The following DNAH3 variants were observed in gnomAD, a reference collection of about 807,000 sequenced individuals.
DNAH3 encodes axonemal beta dynein heavy chain 3.
DNAH3 carries 332 observed loss-of-function variants against 432.5 expected under a neutral mutation model. The observed-to-expected ratio is 0.77, with a 90% CI of 0.70 to 0.84. DNAH3 has a LOEUF of 0.84. Among genes scored for constraint, DNAH3 ranks in the 40% least tolerant of loss-of-function variants. The pLI, the probability that DNAH3 is intolerant of heterozygous loss-of-function variation, is 0.00. For missense variants in DNAH3, 4,861 were observed against 5,114.0 expected, an observed-to-expected ratio of 0.95 and a Z score of 1.51; for synonymous variants, 1,956 against 1,900.2, an observed-to-expected ratio of 1.03 and a Z score of -0.76.
chr16:20,965,471 C>T, intron 52 of DNAH3, 46 bp from the exon 53 acceptor site: 1 of 1,443,050 alleles, frequency 6.9e-7, no homozygotes, highest in South Asian at 1.6e-5. Context: ...ACATTCTGGC[C>T]AAGACTTAAA....
Position 21,141,925 on chromosome 16 carries a change from G to A in DNAH3, c.449-553C>T, listed in dbSNP as rs958069405. On this transcript the variant is annotated intron_variant, in intron 3 of 61. Transcript: ENST00000261383. The stretch of plus-strand genomic sequence containing the variant: ...AAATTAGCCGGGCATTGCGGCGAGC[G>A]CCTGTAGACCCAGCTACTTGGGAGG... 2.3e-4 allele frequency among the ~76,000 whole-genome samples: 35 copies of A among 152,134 alleles called. 1 individual carries two copies. The highest frequency in any genetic ancestry group is 2.0e-3 in the Admixed American group (31 of 15,274).
intron 5 of DNAH3, among the ~76,000 whole-genome samples, chr16:21,137,261 T>TTA (rs972539535): frequency 8.5e-6 from 1 of 117,034 alleles, no homozygotes; most frequent in African/African-American, 3.2e-5. Context: ...GATTTCTGTC[T>TTA]AAAAAAAAAA....
chr16:21,095,233 A>G (rs2091643152), intron 18 of DNAH3, among the ~76,000 whole-genome samples: 1 of 152,242 alleles, frequency 6.6e-6, no homozygotes, highest in African/African-American at 2.4e-5. Flanking sequence ...CTAGAGAAAT[A>G]AAAACTTACA....
At chr16:21,080,722 C>A (rs1404669356) in intron 20 of DNAH3, among the ~76,000 whole-genome samples, 1 of 152,142 alleles carries the variant, frequency 6.6e-6, no homozygotes, top group Non-Finnish European at 1.5e-5. Context: ...GATCTGGGTG[C>A]CACACTCACC....
intron 55 of DNAH3, among the ~76,000 whole-genome samples, chr16:20,953,582 T>C (rs1662433755): frequency 7.8e-6 from 1 of 128,414 alleles, no homozygotes; most frequent in Non-Finnish European, 1.7e-5. Context: ...TTTGCATGGC[T>C]TTTTTTTTTT....
At chr16:20,972,935 G>T (rs2085412018) in intron 51 of DNAH3, among the ~76,000 whole-genome samples, 1 of 151,720 alleles carries the variant, frequency 6.6e-6, no homozygotes, top group South Asian at 2.1e-4. Context: ...CACCATATTG[G>T]CCAGGCTGGT....
chr16:21,106,397 A>C, intron 15 of DNAH3, 93 bp downstream of exon 15: 2 of 1,021,596 alleles, frequency 2.0e-6, no homozygotes, highest in Non-Finnish European at 2.6e-6. Context: ...TAAATATATA[A>C]ATACATATAG....
exon 6 of DNAH3, chr16:21,136,416 G>A (rs759157048): frequency 4.4e-5 from 71 of 1,614,056 alleles, no homozygotes; most frequent in African/African-American, 8.0e-5. Flanking sequence ...CGTCAGCAGC[G>A]TGTTAGAAAT....
intron 42 of DNAH3, among the ~76,000 whole-genome samples, chr16:21,001,210 A>G (rs1223405201): frequency 6.6e-6 from 1 of 152,220 alleles, no homozygotes; most frequent in East Asian, 1.9e-4. Context: ...TGGACTCTTA[A>G]GGCCGGGTCT....
At chr16:20,979,027 C>T (rs1252611060) in intron 50 of DNAH3, among the ~76,000 whole-genome samples, 1 of 151,742 alleles carries the variant, frequency 6.6e-6, no homozygotes, top group Non-Finnish European at 1.5e-5. Flanking sequence ...GAGGCACTCA[C>T]CTTGAGGACA....
In DNAH3 at chr16:20,975,406, T is replaced by TA. The variant is rs781648899; in HGVS notation, c.8085dup (p.Met2696TyrfsTer27). 6.2e-7 allele frequency: 1 copy of TA among 1,613,984 alleles called. No individual in the cohort carries two copies. The highest frequency in any genetic ancestry group is 1.7e-5 in the Admixed American group (1 of 59,990). On this transcript the variant is annotated frameshift_variant, in exon 51 of 62. Transcript: ENST00000261383. LOFTEE classifies it high-confidence loss of function. ...TGAAGAGCTGTCAGTTCTCTTTGCA[T>TA]AACCGCTACCTAGCAAGGAGAGAGG...
At chr16:20,974,525 T>C (rs1366894252) in intron 51 of DNAH3, among the ~76,000 whole-genome samples, 2 of 149,776 alleles carry the variant, frequency 1.3e-5, no homozygotes, top group African/African-American at 2.4e-5. Context: ...CACATCAGCC[T>C]CCTGAGTAGC....
At chr16:21,000,100 G>C (rs1482157545) in intron 43 of DNAH3, 124 bp downstream of exon 43, 4 of 998,884 alleles carry the variant, frequency 4.0e-6, no homozygotes, top group Non-Finnish European at 5.8e-6. Context: ...TATATTAACT[G>C]GAAATATTTG....
At chr16:20,991,980 T>C (rs1193308331) in intron 44 of DNAH3, among the ~76,000 whole-genome samples, 1 of 152,226 alleles carries the variant, frequency 6.6e-6, no homozygotes, top group Non-Finnish European at 1.5e-5. Context: ...CATGAGATAC[T>C]TCCCCTCATC....
intron 7 of DNAH3, among the ~76,000 whole-genome samples, chr16:21,132,186 T>A (rs1255464710): frequency 6.6e-6 from 1 of 152,158 alleles, no homozygotes; most frequent in Non-Finnish European, 1.5e-5. Context: ...CTTTTTAAAA[T>A]ACAAGCAAAA....
intron 14 of DNAH3, 46 bp downstream of exon 14, chr16:21,111,580 T>C (rs779421364): frequency 1.0e-5 from 16 of 1,572,394 alleles, no homozygotes; most frequent in Middle Eastern, 1.7e-4. Flanking sequence ...TCGTCTCCAG[T>C]TGGTGCCAAA....
chr16:20,956,743 G>A (rs1966305), intron 54 of DNAH3, among the ~76,000 whole-genome samples: 2 of 151,276 alleles, frequency 1.3e-5, no homozygotes, highest in Non-Finnish European at 2.9e-5. Flanking sequence ...TTTATGTTTG[G>A]GACAGAGTCT....
chr16:21,157,453 C>G (rs375089434), intron 1 of DNAH3, among the ~76,000 whole-genome samples: 60 of 151,760 alleles, frequency 4.0e-4, no homozygotes, highest in African/African-American at 1.4e-3. Context: ...CCTCAGCCTC[C>G]CGAGTAGCTG....
At chr16:21,023,910 A>C (rs1366681282) in intron 39 of DNAH3, among the ~76,000 whole-genome samples, 1 of 152,116 alleles carries the variant, frequency 6.6e-6, no homozygotes, top group East Asian at 1.9e-4. Context: ...GCCGTCCTAC[A>C]TAATCTCCCA....
Sources: allele counts gnomAD v4.1 joint callset (sites outside exome capture counted in the v4.1 genomes callset), GRCh38; gene constraint gnomAD v4.1.1; transcripts MANE v1.5; gene names NCBI Gene and HGNC (gene_info 2026-07-23, HGNC 2026-07-21).